The following MYCBP2 variants were observed in gnomAD, a reference collection of about 807,000 sequenced individuals.
The protein encoded by MYCBP2 is MYC binding protein 2.
MYCBP2 carries 120 observed loss-of-function variants against 525.3 expected under a neutral mutation model. The ratio of observed to expected loss-of-function variants is 0.23; its 90% confidence interval spans 0.20 to 0.27. The LOEUF (loss-of-function observed/expected upper bound fraction) is 0.27, where lower values mean the gene tolerates loss of function less well. Among genes scored for constraint, MYCBP2 ranks in the 10% least tolerant of loss-of-function variants. The probability of loss-of-function intolerance (pLI) is 1.00; values close to 1 mark genes in which losing one functional copy is unlikely to be tolerated. For synonymous variants in MYCBP2, 1,894 were observed against 1,955.8 expected (o/e 0.97, Z 0.83); for missense variants, 4,149 against 5,657.1 (o/e 0.73, Z 8.55).
intron 26 of MYCBP2, among the ~76,000 whole-genome samples, chr13:77,201,971 A>G (rs191309273): frequency 1.2e-4 from 19 of 152,334 alleles, no homozygotes; most frequent in Middle Eastern, 3.4e-3. Flanking sequence ...CCCTAACATC[A>G]TAATTAAAGG....
intron 11 of MYCBP2, among the ~76,000 whole-genome samples, 177 bp downstream of exon 11, chr13:77,261,876 G>A (rs1292470747): frequency 6.6e-6 from 1 of 151,760 alleles, no homozygotes; most frequent in African/African-American, 2.4e-5. Context: ...ATAAAATGAG[G>A]CATGCCTGTA....
rs1219496220 is a variant in MYCBP2 at position 77,326,180 on chromosome 13, C to T, written c.302+294G>A. Among the ~76,000 whole-genome samples the T allele has an allele frequency of 6.6e-6, 1 of 151,664 alleles. No individual in the cohort carries two copies. The highest frequency in any genetic ancestry group is 2.4e-5 in the African/African-American group (1 of 41,252). On this transcript the variant is annotated intron_variant, in intron 1 of 82. Transcript: ENST00000544440. The surrounding 1 kb of genome is among the most constrained non-coding windows in gnomAD (Gnocchi z 4.2). ...GTGTCACAGCCGACCAGCACCATCG[C>T]CTTTTCCAGCATCACAGGTTCCCCT... is the stretch of plus-strand genomic sequence containing the variant.
chr13:77,150,912 A>G lies in MYCBP2; in HGVS notation c.6953T>C (p.Met2318Thr), dbSNP rs2095111590. Residue 2318 changes from methionine (M) to threonine (T), a missense_variant, in exon 47 of 83, where the codon ATG becomes ACG. Met to Thr is a moderately conservative substitution (Grantham distance 81). Around this residue, in one of 21 missense-constraint regions of MYCBP2, gnomAD observed 692 missense variants for 852.7 expected, o/e 0.81. Transcript: ENST00000544440. Reference protein sequence around the residue: ...VKAVPVSQKKMSLQQDQAKKP... With the variant: ...VKAVPVSQKKTSLQQDQAKKP... ...CTTTGCTTGATCTTGTTGTAAAGAC[A>G]TTTTTTTCTGAGAAACAGGGACAGC... The G allele has an allele frequency of 6.2e-7, 1 of 1,613,884 alleles. No individual in the cohort carries two copies. Among genetic ancestry groups the G allele is most frequent in the South Asian group, 1.1e-5 (1 of 91,076 alleles).
intron 44 of MYCBP2, among the ~76,000 whole-genome samples, chr13:77,158,617 T>C (rs2057497055): frequency 6.6e-6 from 1 of 152,158 alleles, no homozygotes; most frequent in Admixed American, 6.5e-5. Flanking sequence ...CTAATTTTTT[T>C]TAAAACTTTT....
chr13:77,115,753 C>T (rs575873811), intron 55 of MYCBP2, among the ~76,000 whole-genome samples: 22 of 151,058 alleles, frequency 1.5e-4, no homozygotes, highest in Middle Eastern at 6.8e-3. Context: ...AACCATGCAC[C>T]GGTTGATGTG....
intron 21 of MYCBP2, among the ~76,000 whole-genome samples, chr13:77,217,368 A>T (rs2064968994): frequency 6.6e-6 from 1 of 152,208 alleles, no homozygotes; most frequent in African/African-American, 2.4e-5. Context: ...AATGTGCACA[A>T]GCGCCTATGT....
Position 77,326,887 on chromosome 13 carries a change from G to T in MYCBP2, c.-112C>A. ...ACGACGGCTCCGGCGGCGGCCTCTGGCTCCCGCAGCAGGGAGACTACAAAG... is the reference window on the plus strand; with the variant it reads ...ACGACGGCTCCGGCGGCGGCCTCTGTCTCCCGCAGCAGGGAGACTACAAAG... On this transcript the variant is annotated 5_prime_UTR_variant, in exon 1 of 83. Coordinates refer to ENST00000544440, the MANE Select transcript of MYCBP2 (RefSeq NM_015057.5). The surrounding 1 kb of genome is among the most constrained non-coding windows in gnomAD (Gnocchi z 4.2). The T allele has an allele frequency of 2.0e-6, 2 of 1,022,742 alleles. No homozygotes were observed. Among genetic ancestry groups the T allele is most frequent in the Non-Finnish European group, 2.6e-6 (2 of 769,172 alleles). 63.4% of individuals were successfully genotyped at this position (1,022,742 alleles called of 1,614,324 possible).
chr13:77,297,505 G>T lies in MYCBP2; in HGVS notation c.303-831C>A, dbSNP rs2078316928. Among the ~76,000 whole-genome samples the T allele has an allele frequency of 4.6e-5, 7 of 152,212 alleles. No homozygotes were observed. The South Asian group carries it at 1.5e-3, about 32-fold the overall frequency. ...CAGGGAGAACGAAGGGGAGGAGGTT[G>T]TTCCAGATGCTGAAGGGGTCAAGTC... On this transcript the variant is annotated intron_variant, in intron 1 of 82. Coordinates refer to ENST00000544440, the MANE Select transcript of MYCBP2 (RefSeq NM_015057.5).
chr13:77,173,446 T>C (rs1428950501), intron 37 of MYCBP2, among the ~76,000 whole-genome samples: 2 of 152,240 alleles, frequency 1.3e-5, no homozygotes, highest in African/African-American at 4.8e-5. Context: ...ACAGCTTTTG[T>C]ATTTCAGCAG....
intron 33 of MYCBP2, among the ~76,000 whole-genome samples, chr13:77,181,480 G>A (rs1436251945): frequency 6.6e-6 from 1 of 151,692 alleles, no homozygotes; most frequent in Non-Finnish European, 1.5e-5. Context: ...AACCGTTAGA[G>A]CAAAAAAACT....
intron 13 of MYCBP2, among the ~76,000 whole-genome samples, chr13:77,260,133 C>T (rs1011598010): frequency 2.0e-5 from 3 of 152,132 alleles, no homozygotes; most frequent in Non-Finnish European, 4.4e-5. Flanking sequence ...TACCACTGTC[C>T]CAGGGACATG....
chr13:77,293,356 T>C (rs2154363255), intron 2 of MYCBP2, among the ~76,000 whole-genome samples: 1 of 152,310 alleles, frequency 6.6e-6, no homozygotes, highest in East Asian at 1.9e-4. Context: ...TGAATGTGTA[T>C]CATTATCAGT....
intron 48 of MYCBP2, 45 bp downstream of exon 48, chr13:77,146,117 C>T: frequency 7.7e-7 from 1 of 1,306,152 alleles, no homozygotes; most frequent in South Asian, 1.5e-5. Flanking sequence ...TTGCAAGCAG[C>T]TGACAACACA....
intron 44 of MYCBP2, among the ~76,000 whole-genome samples, chr13:77,161,320 T>C (rs985308969): frequency 9.2e-5 from 14 of 152,312 alleles, no homozygotes; most frequent in African/African-American, 2.6e-4. Context: ...CACTGAAATA[T>C]AGTACTCATG....
Position 77,211,285 on chromosome 13 carries a change from A to G in MYCBP2, c.3298T>C (p.Phe1100Leu). Residue 1100 changes from phenylalanine (F) to leucine (L), a missense_variant, in exon 23 of 83, where the codon TTT becomes CTT. Physicochemically the swap from Phe to Leu is conservative, Grantham distance 22. Around this residue, in one of 21 missense-constraint regions of MYCBP2, gnomAD observed 620 missense variants for 795.5 expected, o/e 0.78. Transcript: ENST00000544440. ...VPASISEPPP[F>L]KCLLINKVDG... ...ACTTTATTTATCAGAAGGCATTTAAATGGAGGAGGTTCTGATATAGAAGCA... is the reference window on the plus strand; with the variant it reads ...ACTTTATTTATCAGAAGGCATTTAAGTGGAGGAGGTTCTGATATAGAAGCA... 1 of 1,513,510 alleles carries G rather than the reference A, an allele frequency of 6.6e-7. No individual in the cohort carries two copies. The highest frequency in any genetic ancestry group is 8.9e-7 in the Non-Finnish European group (1 of 1,125,244). The allele number at this position is 1,513,510 out of a possible 1,614,324, so 93.8% of individuals were successfully genotyped here. A position where few individuals can be genotyped will look rare whatever the true frequency, so the allele number is the denominator to read the frequency against.
intron 55 of MYCBP2, among the ~76,000 whole-genome samples, chr13:77,120,597 GTA>G (rs2050525028): frequency 6.6e-6 from 1 of 152,110 alleles, no homozygotes. Context: ...TGACCCAGCT[GTA>G]TGTTACCTGT....
intron 2 of MYCBP2, among the ~76,000 whole-genome samples, chr13:77,290,469 C>A (rs1301069044): frequency 6.6e-6 from 1 of 152,200 alleles, no homozygotes; most frequent in Non-Finnish European, 1.5e-5. Flanking sequence ...ACTCAGATAT[C>A]TTTTAATGGG....
At chr13:77,286,032 G>T (rs960891745) in intron 3 of MYCBP2, among the ~76,000 whole-genome samples, 1 of 152,160 alleles carries the variant, frequency 6.6e-6, no homozygotes, top group East Asian at 1.9e-4. Context: ...GAAGATGGCT[G>T]ATCAAGAAGC....
At chr13:77,196,138 A>C (rs1021048580) in intron 26 of MYCBP2, among the ~76,000 whole-genome samples, 1 of 152,228 alleles carries the variant, frequency 6.6e-6, no homozygotes, top group Non-Finnish European at 1.5e-5. Flanking sequence ...GCTGAAGTGA[A>C]GAGAGCTGTA....
Sources: allele counts gnomAD v4.1 joint callset (sites outside exome capture counted in the v4.1 genomes callset), GRCh38; gene constraint gnomAD v4.1.1; regional missense constraint gnomAD v4.1.1; non-coding constraint Gnocchi (gnomAD v3.1); transcripts MANE v1.5; gene names NCBI Gene and HGNC (gene_info 2026-07-23, HGNC 2026-07-21).